The following FOXP1 variants were observed in gnomAD, a reference collection of about 807,000 sequenced individuals.
The protein encoded by FOXP1 is forkhead box P1, also known as forkhead box protein P1.
FOXP1 carries 15 observed loss-of-function variants against 98.2 expected under a neutral mutation model. That is an observed-to-expected ratio of 0.15 (90% confidence interval 0.10 to 0.24). The LOEUF is 0.24. FOXP1 is among the 10% of genes least tolerant of loss of function. The probability of loss-of-function intolerance (pLI) is 1.00; values close to 1 mark genes in which losing one functional copy is unlikely to be tolerated. For synonymous variants in FOXP1, 371 were observed against 314.5 expected (o/e 1.18, Z -1.90); for missense variants, 633 against 848.5 (o/e 0.75, Z 3.15).
chr3:71,078,175 T>C (rs1464962817), intron 7 of FOXP1, among the ~76,000 whole-genome samples: 1 of 152,196 alleles, frequency 6.6e-6, no homozygotes, highest in Non-Finnish European at 1.5e-5. Context: ...GAGAGATGAA[T>C]TGTGTGCTCT....
At chr3:71,104,266 C>T (rs1224685339) in intron 7 of FOXP1, among the ~76,000 whole-genome samples, 2 of 152,128 alleles carry the variant, frequency 1.3e-5, no homozygotes, top group East Asian at 1.9e-4. Context: ...CTTAAGGAAA[C>T]TCGAGCCATC....
At chr3:71,045,117 T>C (rs927158463) in intron 10 of FOXP1, among the ~76,000 whole-genome samples, 13 of 152,184 alleles carry the variant, frequency 8.5e-5, no homozygotes, top group African/African-American at 3.1e-4. Context: ...AATATTTATA[T>C]TTACATTTAT....
intron 7 of FOXP1, among the ~76,000 whole-genome samples, chr3:71,076,948 TC>T (rs1419987686): frequency 1.3e-5 from 2 of 152,232 alleles, no homozygotes; most frequent in Non-Finnish European, 2.9e-5. Flanking sequence ...CTAATATGTC[TC>T]TGGATTTTTT....
chr3:71,135,825 GGCA>G (rs1288767658), intron 6 of FOXP1, among the ~76,000 whole-genome samples: 1 of 152,106 alleles, frequency 6.6e-6, no homozygotes, highest in Non-Finnish European at 1.5e-5. Flanking sequence ...GCTCCAAAAC[GGCA>G]GCGACCCACC....
chr3:71,323,790 T>G (rs1311667421), intron 4 of FOXP1, among the ~76,000 whole-genome samples: 1 of 152,186 alleles, frequency 6.6e-6, no homozygotes, highest in Non-Finnish European at 1.5e-5. Flanking sequence ...AGCAAAGACA[T>G]GCACTTTAAA....
chr3:71,507,580 T>A (rs533076573), intron 2 of FOXP1, among the ~76,000 whole-genome samples: 7 of 151,638 alleles, frequency 4.6e-5, no homozygotes, highest in Non-Finnish European at 8.8e-5. Flanking sequence ...GTTGCAAAAC[T>A]GCTTTTTTTT....
Position 71,155,398 on chromosome 3 carries a change from G to A in FOXP1, c.181-42761C>T, listed in dbSNP as rs142071520. Among the ~76,000 whole-genome samples the A allele has an allele frequency of 8.7e-3, 1,318 of 152,280 alleles. 9 individuals carry two copies. The highest frequency in any genetic ancestry group is 0.013 in the Non-Finnish European group (860 of 68,016). ...AAGATAACAAGTAAAATTAATGTATGTATAATCAACATAAAATTGTCAATG... is the reference window on the plus strand; with the variant it reads ...AAGATAACAAGTAAAATTAATGTATATATAATCAACATAAAATTGTCAATG... On this transcript the variant is annotated intron_variant, in intron 6 of 20. Transcript: ENST00000649528.
intron 3 of FOXP1, among the ~76,000 whole-genome samples, chr3:71,415,150 A>T (rs1577380552): frequency 6.6e-6 from 1 of 152,350 alleles, no homozygotes; most frequent in Non-Finnish European, 1.5e-5. Context: ...CAAGAAAGTA[A>T]GTATGCAATA....
chr3:71,475,694 T>A (rs981708707), intron 3 of FOXP1, among the ~76,000 whole-genome samples: 4 of 151,914 alleles, frequency 2.6e-5, no homozygotes, highest in African/African-American at 9.7e-5. Context: ...AATACAAAAA[T>A]TAGCTGGTGT....
chr3:71,030,762 T>A (rs961689545), intron 11 of FOXP1, among the ~76,000 whole-genome samples: 4 of 152,216 alleles, frequency 2.6e-5, no homozygotes, highest in Admixed American at 6.5e-5. Context: ...GTCCTCTAAT[T>A]TATTCAAACG....
chr3:70,961,924 A>C (rs2033630584), intron 20 of FOXP1, among the ~76,000 whole-genome samples: 1 of 152,020 alleles, frequency 6.6e-6, no homozygotes, highest in African/African-American at 2.4e-5. Context: ...AAGCACATAA[A>C]ATCAAGTGCA....
At chr3:71,354,100 T>G (rs1174499751) in intron 4 of FOXP1, among the ~76,000 whole-genome samples, 5 of 145,312 alleles carry the variant, frequency 3.4e-5, no homozygotes, top group African/African-American at 1.0e-4. Flanking sequence ...AGATCAGGAG[T>G]TCAAAACCAG....
At chr3:71,323,200 A>G (rs940230753) in intron 4 of FOXP1, among the ~76,000 whole-genome samples, 2 of 152,014 alleles carry the variant, frequency 1.3e-5, no homozygotes. Context: ...CGAACTCCTG[A>G]CCTCATGATC....
intron 3 of FOXP1, among the ~76,000 whole-genome samples, chr3:71,388,358 G>A (rs958037710): frequency 6.6e-6 from 1 of 152,312 alleles, no homozygotes; most frequent in Non-Finnish European, 1.5e-5. Context: ...TTCTACTAAT[G>A]AAGAAAATTA....
chr3:71,009,830 C>A (rs1405517835), intron 12 of FOXP1, among the ~76,000 whole-genome samples: 1 of 151,996 alleles, frequency 6.6e-6, no homozygotes. Context: ...CTCACTGCGG[C>A]CTCGAACTTC....
At chr3:70,962,604 A>G (rs2106932742) in intron 20 of FOXP1, among the ~76,000 whole-genome samples, 1 of 152,302 alleles carries the variant, frequency 6.6e-6, no homozygotes, top group South Asian at 2.1e-4. Context: ...CATTGTTGAG[A>G]ACTGCAACTT....
At chr3:71,088,592 T>G (rs1171102514) in intron 7 of FOXP1, among the ~76,000 whole-genome samples, 2 of 152,168 alleles carry the variant, frequency 1.3e-5, no homozygotes, top group Non-Finnish European at 2.9e-5. Flanking sequence ...GATCTCATTA[T>G]TTTTCTTGAA....
Position 71,446,639 on chromosome 3 carries a change from T to C in FOXP1, c.-168+46787A>G, listed in dbSNP as rs151103510. ...TAATGTCTCAGAGGTTCCTATGAAG[T>C]CATGTTCTTACAATTCACTCATAAG... On this transcript the variant is annotated intron_variant, in intron 3 of 20. Transcript: ENST00000649528. Among the ~76,000 whole-genome samples the C allele has an allele frequency of 3.9e-5, 6 of 152,320 alleles. No homozygotes were observed. The East Asian group carries it at 1.2e-3, about 29-fold the overall frequency.
upstream of FOXP1, chr3:71,583,765 C>T (rs2048380550): frequency 3.0e-6 from 3 of 986,146 alleles, no homozygotes; most frequent in Admixed American, 6.2e-5. Flanking sequence ...ACAATAGATT[C>T]CTCCGCTCCG....
Sources: gnomAD v4.1 joint callset for allele counts (sites outside exome capture counted in the v4.1 genomes callset) on GRCh38, gnomAD v4.1.1 for gene constraint, MANE v1.5 for transcripts, NCBI Gene and HGNC (gene_info 2026-07-23, HGNC 2026-07-21) for gene names.